Variants in ADGRG6 observed in about 807,000 individuals in gnomAD.
ADGRG6 encodes the protein adhesion G protein-coupled receptor G6.
ADGRG6 carries 84 observed loss-of-function variants against 142.4 expected under a neutral mutation model. That is an observed-to-expected ratio of 0.59 (90% CI 0.49 to 0.71). The LOEUF (loss-of-function observed/expected upper bound fraction) is 0.71, where lower values mean the gene tolerates loss of function less well. Among genes scored for constraint, ADGRG6 ranks in the 30% least tolerant of loss-of-function variants. The pLI is 0.00. For missense variants in ADGRG6, 1,367 were observed against 1,466.6 expected, an observed-to-expected ratio of 0.93 and a Z score of 1.11; for synonymous variants, 521 against 520.5, an observed-to-expected ratio of 1.00 and a Z score of -0.01.
In ADGRG6 at chr6:142,415,927, C is replaced by G. The variant is rs373686565; in HGVS notation, c.2801C>G (p.Ala934Gly). 8.1e-6 allele frequency: 13 copies of G among 1,613,466 alleles called. No homozygotes were observed. The African/African-American group carries it at 1.7e-4, about 22-fold the overall frequency. ...FNVDGLCIAV[A>G]VLLHFFLLAT... is the part of the protein sequence containing the mutation. ...GTGGATGGACTTTGCATTGCTGTTG[C>G]AGTCCTGTTGCATTTCTTCCTTCTG... The change falls in exon 20 of 25, where the codon GCA becomes GGA. Residue 934 changes from alanine (A) to glycine (G), a missense_variant. Physicochemically the swap from Ala to Gly is moderately conservative, Grantham distance 60 (BLOSUM62 0). Transcript: ENST00000367609.
chr6:142,433,098 C>T lies in ADGRG6; in HGVS notation c.3320-4336C>T, dbSNP rs9496380. Among the ~76,000 whole-genome samples the T allele has an allele frequency of 4.9e-3, 753 of 152,258 alleles. 9 individuals are homozygous for T. Among genetic ancestry groups the T allele is most frequent in the African/African-American group, 0.017 (715 of 41,544 alleles). On this transcript the variant is annotated intron_variant, in intron 22 of 24. Coordinates refer to ENST00000367609, the MANE Select transcript of ADGRG6 (RefSeq NM_198569.3). ...TCTGTTAAACAATTGTTTAAGAATACACAGTTACTTATATTTCTAGCTGTG... is the reference window on the plus strand; with the variant it reads ...TCTGTTAAACAATTGTTTAAGAATATACAGTTACTTATATTTCTAGCTGTG...
At chr6:142,331,327 A>C (rs1447019941) in intron 2 of ADGRG6, among the ~76,000 whole-genome samples, 1 of 152,064 alleles carries the variant, frequency 6.6e-6, no homozygotes, top group African/African-American at 2.4e-5. Context: ...GAAAAGCCAC[A>C]GTGAAAAGAG....
At chr6:142,333,669 T>C (rs756670482) in intron 2 of ADGRG6, among the ~76,000 whole-genome samples, 8 of 152,196 alleles carry the variant, frequency 5.3e-5, no homozygotes, top group Non-Finnish European at 1.2e-4. Flanking sequence ...ACTTTTGAGC[T>C]TCAAGGTCTG....
chr6:142,323,699 T>A (rs1240051187), intron 2 of ADGRG6, among the ~76,000 whole-genome samples: 1 of 152,150 alleles, frequency 6.6e-6, no homozygotes, highest in African/African-American at 2.4e-5. Flanking sequence ...ACTTCTAGGC[T>A]ATAAACCTGT....
chr6:142,338,026 T>TTTTTTTTTTTTTG (rs1779420209), intron 2 of ADGRG6, among the ~76,000 whole-genome samples: 2 of 43,244 alleles, frequency 4.6e-5, no homozygotes, highest in African/African-American at 6.3e-5. Flanking sequence ...TGTTTTTTTT[T>TTTTTTTTTTTTTG]TTTTTTTTTT....
At chr6:142,368,323 G>C (rs1321218868) in intron 3 of ADGRG6, among the ~76,000 whole-genome samples, 1 of 152,062 alleles carries the variant, frequency 6.6e-6, no homozygotes, top group Non-Finnish European at 1.5e-5. Context: ...TACAGAAAAT[G>C]AACAGTAAAT....
intron 2 of ADGRG6, among the ~76,000 whole-genome samples, chr6:142,330,437 G>C (rs947906291): frequency 1.3e-5 from 2 of 152,098 alleles, no homozygotes; most frequent in African/African-American, 2.4e-5. Flanking sequence ...CATGCAAGCC[G>C]GAAAGATGTG....
intron 2 of ADGRG6, among the ~76,000 whole-genome samples, chr6:142,346,913 A>C (rs938185251): frequency 1.3e-5 from 2 of 152,130 alleles, no homozygotes; most frequent in Admixed American, 6.5e-5. Context: ...ATTAGGAGAA[A>C]TACCTAATGT....
intron 20 of ADGRG6, among the ~76,000 whole-genome samples, chr6:142,416,873 A>G (rs1373881758): frequency 6.6e-6 from 1 of 152,154 alleles, no homozygotes; most frequent in African/African-American, 2.4e-5. Context: ...TTTTCTTTAT[A>G]TAGAAGGAGG....
At chr6:142,391,004 C>T (rs1229504396) in intron 7 of ADGRG6, among the ~76,000 whole-genome samples, 2 of 151,680 alleles carry the variant, frequency 1.3e-5, no homozygotes, top group East Asian at 3.8e-4. Context: ...CATAATATTT[C>T]ATTATGTGGC....
chr6:142,341,373 T>C (rs1292745322), intron 2 of ADGRG6, among the ~76,000 whole-genome samples: 1 of 126,902 alleles, frequency 7.9e-6, no homozygotes, highest in Non-Finnish European at 1.6e-5. Context: ...AGAATATATA[T>C]TATATATATA....
At chr6:142,376,101 C>T (rs540203014) in intron 4 of ADGRG6, among the ~76,000 whole-genome samples, 2 of 152,188 alleles carry the variant, frequency 1.3e-5, no homozygotes, top group South Asian at 4.1e-4. Flanking sequence ...TCATTTTTCT[C>T]ATAACAATTT....
chr6:142,374,779 A>C (rs1168360149), intron 4 of ADGRG6, among the ~76,000 whole-genome samples: 1 of 152,220 alleles, frequency 6.6e-6, no homozygotes, highest in East Asian at 1.9e-4. Context: ...ATTATTTTAA[A>C]TTATTTTAAT....
chr6:142,382,346 A>G (rs6922607), intron 5 of ADGRG6, among the ~76,000 whole-genome samples: 33,447 of 152,146 alleles, frequency 0.22, 3,911 homozygotes, highest in African/African-American at 0.29. Context: ...AAAGTCCAGT[A>G]TAAATACAGT....
In ADGRG6 at chr6:142,407,170, T is replaced by C. The variant is rs867334529; in HGVS notation, c.2269-980T>C. ...GCCAACATAGTGAGACCCGTCTCTT[T>C]AAAAAAAAAAAAAAAAAAAAGGAAG... On this transcript the variant is annotated intron_variant, in intron 15 of 24. Coordinates refer to ENST00000367609, the MANE Select transcript of ADGRG6 (RefSeq NM_198569.3). Among the ~76,000 whole-genome samples the C allele has an allele frequency of 4.1e-5, 5 of 121,034 alleles. No homozygotes were observed. In the Admixed American group the frequency reaches 4.3e-4, roughly 10 times the overall value. The allele number at this position is 121,034 out of a possible 152,430, so 79.4% of individuals were successfully genotyped here. A position where few individuals can be genotyped will look rare whatever the true frequency, so the allele number is the denominator to read the frequency against.
At chr6:142,324,227 A>T (rs1344951638) in intron 2 of ADGRG6, among the ~76,000 whole-genome samples, 2 of 152,080 alleles carry the variant, frequency 1.3e-5, no homozygotes, top group African/African-American at 2.4e-5. Context: ...GCAGTAAAGC[A>T]CTTTCCTATA....
At chr6:142,431,909 C>T (rs1777228448) in intron 22 of ADGRG6, among the ~76,000 whole-genome samples, 1 of 151,958 alleles carries the variant, frequency 6.6e-6, no homozygotes, top group African/African-American at 2.4e-5. Flanking sequence ...GGCGACAGAG[C>T]CAGATTCCAT....
intron 22 of ADGRG6, among the ~76,000 whole-genome samples, chr6:142,434,926 AG>A (rs1777404044): frequency 6.6e-6 from 1 of 152,088 alleles, no homozygotes; most frequent in Admixed American, 6.5e-5. Flanking sequence ...CTGAAAACTA[AG>A]GGCCGCTTTG....
In ADGRG6 at chr6:142,419,958, C is replaced by A. The variant is rs555114028; in HGVS notation, c.3173C>A (p.Thr1058Asn). The A allele has an allele frequency of 2.1e-5, 34 of 1,613,430 alleles. No homozygotes were observed. Among genetic ancestry groups the A allele is most frequent in the Non-Finnish European group, 2.9e-5 (34 of 1,179,576 alleles). The change falls in exon 22 of 25, where the codon ACC becomes AAC. Residue 1058 changes from threonine to asparagine, a missense_variant. Transcript: ENST00000367609. Reference sequence around the variant, plus strand: ...AGGAATGGCAAGAGAAGCAACCGGACCCTGAGAGAAGAAGTGTTAAGGAAC... The same window carrying A: ...AGGAATGGCAAGAGAAGCAACCGGAACCTGAGAGAAGAAGTGTTAAGGAAC... ...CGRNGKRSNR[T>N]LREEVLRNLR... is the part of the protein sequence containing the mutation.
Sources: gnomAD v4.1 joint callset for allele counts (sites outside exome capture counted in the v4.1 genomes callset) on GRCh38, gnomAD v4.1.1 for gene constraint, MANE v1.5 for transcripts, NCBI Gene and HGNC (gene_info 2026-07-23, HGNC 2026-07-21) for gene names.